The following EHBP1 variants were observed in gnomAD, a reference collection of about 807,000 sequenced individuals.
The protein encoded by EHBP1 is EH domain binding protein 1.
A neutral mutation model predicts 144.0 loss-of-function variants in EHBP1; 55 were observed. The ratio of observed to expected loss-of-function variants is 0.38; its 90% CI spans 0.31 to 0.48. The LOEUF (loss-of-function observed/expected upper bound fraction) is 0.48, where lower values mean the gene tolerates loss of function less well. Ranked by LOEUF, EHBP1 falls within the 20% of genes least tolerant of loss-of-function variation. EHBP1 has a pLI of 0.98. For synonymous variants in EHBP1, 469 were observed against 472.7 expected (o/e 0.99, Z 0.10); for missense variants, 1,200 against 1,364.2 (o/e 0.88, Z 1.90).
chr2:62,688,065 G>A (rs1042652947), intron 1 of EHBP1, among the ~76,000 whole-genome samples: 10 of 152,146 alleles, frequency 6.6e-5, no homozygotes, highest in African/African-American at 2.4e-4. Flanking sequence ...CACAAAAGCA[G>A]CAAAGTGATA....
chr2:62,695,014 C>T (rs1242106235), intron 1 of EHBP1, among the ~76,000 whole-genome samples: 3 of 152,082 alleles, frequency 2.0e-5, no homozygotes, highest in African/African-American at 4.8e-5. Context: ...ATGAGGAAAA[C>T]GCCCAGCAGA....
In EHBP1 at chr2:62,788,295, A is replaced by G. The variant is rs1366823788; in HGVS notation, c.312+16903A>G. Among the ~76,000 whole-genome samples the G allele has an allele frequency of 3.9e-5, 6 of 152,156 alleles. No homozygotes were observed. The South Asian group carries it at 8.3e-4, about 21-fold the overall frequency. On this transcript the variant is annotated intron_variant, in intron 5 of 22. Transcript: ENST00000431489. Reference sequence around the variant, plus strand: ...TGTTTTCTCTTATTTAAATCACCCAACTTCTGCCCACTAGGGAGTGGAGTC... The same window carrying G: ...TGTTTTCTCTTATTTAAATCACCCAGCTTCTGCCCACTAGGGAGTGGAGTC...
intron 10 of EHBP1, among the ~76,000 whole-genome samples, chr2:62,908,268 T>C (rs989182711): frequency 2.5e-4 from 38 of 152,340 alleles, no homozygotes; most frequent in African/African-American, 8.7e-4. Context: ...TTAAATCTTG[T>C]TGATATCTGT....
intron 1 of EHBP1, among the ~76,000 whole-genome samples, chr2:62,679,645 A>G (rs2033439915): frequency 6.6e-6 from 1 of 152,226 alleles, no homozygotes; most frequent in African/African-American, 2.4e-5. Flanking sequence ...AAATAGTTGC[A>G]AATTTCTCAA....
intron 5 of EHBP1, among the ~76,000 whole-genome samples, chr2:62,788,173 AT>A (rs1297006817): frequency 6.6e-6 from 1 of 152,028 alleles, no homozygotes; most frequent in African/African-American, 2.4e-5. Flanking sequence ...TAATTCTGTA[AT>A]TTTTTCTAAC....
intron 8 of EHBP1, among the ~76,000 whole-genome samples, chr2:62,859,953 CTG>C (rs1468228560): frequency 3.3e-5 from 5 of 152,124 alleles, no homozygotes; most frequent in Admixed American, 3.3e-4. Flanking sequence ...CTTTTTTTGA[CTG>C]TGTCTGAGAA....
At chr2:62,768,063 C>T (rs2041339211) in intron 4 of EHBP1, among the ~76,000 whole-genome samples, 1 of 152,036 alleles carries the variant, frequency 6.6e-6, no homozygotes, top group Non-Finnish European at 1.5e-5. Context: ...ATACCCATAT[C>T]AAGAGTTAGA....
intron 7 of EHBP1, among the ~76,000 whole-genome samples, chr2:62,835,831 G>A (rs367942188): frequency 1.1e-4 from 16 of 152,166 alleles, no homozygotes; most frequent in East Asian, 1.9e-4. Flanking sequence ...CACCTGGCTC[G>A]GAGGGTCCTA....
chr2:62,913,299 G>C (rs1049322005), intron 10 of EHBP1, among the ~76,000 whole-genome samples: 1 of 152,048 alleles, frequency 6.6e-6, no homozygotes, highest in African/African-American at 2.4e-5. Flanking sequence ...TCTTTTAAAG[G>C]CCCTTCCCAC....
chr2:63,007,589 A>G (rs1451891231), intron 19 of EHBP1, among the ~76,000 whole-genome samples: 1 of 151,652 alleles, frequency 6.6e-6, no homozygotes, highest in Non-Finnish European at 1.5e-5. Flanking sequence ...TTATAATCCT[A>G]CAGTGCCATG....
intron 10 of EHBP1, among the ~76,000 whole-genome samples, chr2:62,879,546 AACACACACACACACACAC>A (rs70962798): frequency 4.1e-4 from 55 of 133,792 alleles, no homozygotes; most frequent in African/African-American, 1.0e-3. Flanking sequence ...TATTCACAAT[AACACACACACACACACAC>A]ACACACACAC....
intron 10 of EHBP1, among the ~76,000 whole-genome samples, chr2:62,879,333 A>G (rs921883350): frequency 2.0e-5 from 3 of 152,278 alleles, no homozygotes; most frequent in Non-Finnish European, 2.9e-5. Flanking sequence ...TCCAAATAGG[A>G]AGAGAAGTCA....
intron 12 of EHBP1, 42 bp from the exon 13 acceptor site, chr2:62,948,218 A>G (rs2153089081): frequency 1.4e-6 from 2 of 1,476,944 alleles, no homozygotes; most frequent in East Asian, 4.6e-5. Context: ...TGTGAATTAT[A>G]TGAACTGTTC....
chr2:62,751,944 T>TC (rs2039770726), intron 3 of EHBP1, among the ~76,000 whole-genome samples: 1 of 152,120 alleles, frequency 6.6e-6, no homozygotes, highest in East Asian at 1.9e-4. Context: ...GCTCCTGGAT[T>TC]CATTTTTTTT....
intron 2 of EHBP1, among the ~76,000 whole-genome samples, chr2:62,739,431 T>G (rs1404621063): frequency 6.6e-6 from 1 of 151,250 alleles, no homozygotes; most frequent in Non-Finnish European, 1.5e-5. Flanking sequence ...GGGAACCGGG[T>G]ATATAACCTG....
chr2:62,760,651 A>T (rs1446447181), intron 3 of EHBP1, among the ~76,000 whole-genome samples: 1 of 152,040 alleles, frequency 6.6e-6, no homozygotes, highest in African/African-American at 2.4e-5. Flanking sequence ...TGCTTTTCCC[A>T]CTTTTGATCA....
intron 13 of EHBP1, among the ~76,000 whole-genome samples, chr2:62,949,673 T>C (rs1430483941): frequency 6.6e-6 from 1 of 152,210 alleles, no homozygotes; most frequent in Non-Finnish European, 1.5e-5. Context: ...ATATTTCCCA[T>C]TTAAAACATT....
chr2:62,827,198 A>G (rs1297254340), intron 6 of EHBP1, among the ~76,000 whole-genome samples: 1 of 152,208 alleles, frequency 6.6e-6, no homozygotes, highest in Non-Finnish European at 1.5e-5. Context: ...CTACATGGCA[A>G]CACATGACTT....
In EHBP1 at chr2:62,999,506, C is replaced by A. The variant is rs145690725; in HGVS notation, c.3103+2740C>A. On this transcript the variant is annotated intron_variant, in intron 19 of 22. Transcript: ENST00000431489. ...CTTTCTATTTCCTTCTCCCCCAATC[C>A]CCTGGGAATCTTTAATCTACTTTTT... is the stretch of plus-strand genomic sequence containing the variant. Among the ~76,000 whole-genome samples, 60 of 152,262 alleles carry A rather than the reference C, an allele frequency of 3.9e-4. No individual in the cohort carries two copies. In the East Asian group the frequency reaches 0.01, roughly 26 times the overall value.
Sources: allele counts gnomAD v4.1 joint callset (sites outside exome capture counted in the v4.1 genomes callset), GRCh38; gene constraint gnomAD v4.1.1; transcripts MANE v1.5; gene names NCBI Gene and HGNC (gene_info 2026-07-23, HGNC 2026-07-21).